Variants in ABLIM1 observed in about 807,000 individuals in gnomAD.
ABLIM1 encodes actin binding LIM protein 1.
ABLIM1 carries 40 observed loss-of-function variants against 107.0 expected under a neutral mutation model. The observed-to-expected ratio is 0.37, with a 90% CI of 0.29 to 0.49. The LOEUF (loss-of-function observed/expected upper bound fraction) is 0.49, where lower values mean the gene tolerates loss of function less well. ABLIM1 is among the 20% of genes least tolerant of loss of function. The pLI, the probability that ABLIM1 is intolerant of heterozygous loss-of-function variation, is 0.97. For synonymous variants in ABLIM1, 357 were observed against 357.3 expected, an observed-to-expected ratio of 1.00 and a Z score of 0.01; for missense variants, 857 against 1,008.5, an observed-to-expected ratio of 0.85 and a Z score of 2.04.
At chr10:114,583,170 C>A (rs9421188) in intron 2 of ABLIM1, among the ~76,000 whole-genome samples, 40,442 of 150,576 alleles carry the variant, frequency 0.27, 6,650 homozygotes, top group African/African-American at 0.46. Context: ...AAGCAAAAAA[C>A]AAATAACTCC....
chr10:114,439,982 T>A, intron 20 of ABLIM1, 100 bp downstream of exon 20: 2 of 1,587,758 alleles, frequency 1.3e-6, no homozygotes, highest in Non-Finnish European at 1.7e-6. Flanking sequence ...ACAACAAGCA[T>A]CTTCTCAACA....
chr10:114,588,044 T>C (rs1354195029), intron 2 of ABLIM1, among the ~76,000 whole-genome samples: 1 of 152,228 alleles, frequency 6.6e-6, no homozygotes, highest in African/African-American at 2.4e-5. Flanking sequence ...CACGTCTGTA[T>C]ATAACTTGAT....
At chr10:114,596,189 C>T (rs1032131561) in intron 2 of ABLIM1, among the ~76,000 whole-genome samples, 1 of 152,164 alleles carries the variant, frequency 6.6e-6, no homozygotes, top group Non-Finnish European at 1.5e-5. Flanking sequence ...ACACTATTCC[C>T]ACCTGTGGCT....
intron 12 of ABLIM1, among the ~76,000 whole-genome samples, chr10:114,456,935 A>T (rs7093924): frequency 0.026 from 918 of 34,858 alleles, 4 homozygotes; most frequent in East Asian, 0.079. Context: ...TTTTTTTTTT[A>T]AAAAAAAAAA....
intron 8 of ABLIM1, among the ~76,000 whole-genome samples, chr10:114,481,170 C>CT (rs767944432): frequency 2.6e-5 from 4 of 152,208 alleles, no homozygotes; most frequent in Admixed American, 6.5e-5. Flanking sequence ...TACCAGAGCT[C>CT]TGCCGGTTGA....
intron 1 of ABLIM1, among the ~76,000 whole-genome samples, chr10:114,627,020 T>C (rs891923377): frequency 6.6e-6 from 1 of 152,166 alleles, no homozygotes; most frequent in Non-Finnish European, 1.5e-5. Flanking sequence ...CACCTTGACC[T>C]CAGGCTTGTA....
intron 1 of ABLIM1, among the ~76,000 whole-genome samples, chr10:114,640,278 G>C (rs941042781): frequency 3.9e-5 from 6 of 152,216 alleles, no homozygotes; most frequent in Admixed American, 6.5e-5. Context: ...TATAATCCCA[G>C]CACTTTGGGA....
At chr10:114,625,570 G>A (rs915012586) in intron 1 of ABLIM1, among the ~76,000 whole-genome samples, 6 of 149,894 alleles carry the variant, frequency 4.0e-5, no homozygotes, top group Admixed American at 3.3e-4. Flanking sequence ...AGAAGAATTC[G>A]CAGAAGGGAT....
chr10:114,777,613 C>G, the ABLIM1 span, among the ~76,000 whole-genome samples: 1 of 152,242 alleles, frequency 6.6e-6, no homozygotes, highest in African/African-American at 2.4e-5. Flanking sequence ...ATATTTCACT[C>G]TGCCTCTCTG....
intron 1 of ABLIM1, among the ~76,000 whole-genome samples, chr10:114,677,032 T>C (rs2080518232): frequency 6.6e-6 from 1 of 152,090 alleles, no homozygotes; most frequent in African/African-American, 2.4e-5. Context: ...CCACCGTGCC[T>C]GGCCAAGTTT....
intron 1 of ABLIM1, among the ~76,000 whole-genome samples, chr10:114,751,706 C>T (rs2082515136): frequency 6.8e-6 from 1 of 146,156 alleles, no homozygotes. Flanking sequence ...GCCAAGATTA[C>T]ACCACTGCAC....
chr10:114,574,449 A>T (rs2483570), intron 3 of ABLIM1, among the ~76,000 whole-genome samples: 45,206 of 150,400 alleles, frequency 0.3, 8,978 homozygotes, highest in African/African-American at 0.57. Flanking sequence ...ATTTTATTTT[A>T]TTTTTTTTGA....
At chr10:114,706,990 G>A (rs1287792983) in intron 1 of ABLIM1, among the ~76,000 whole-genome samples, 1 of 152,138 alleles carries the variant, frequency 6.6e-6, no homozygotes, top group Non-Finnish European at 1.5e-5. Flanking sequence ...GACCAGCACT[G>A]TCAATGGAAA....
At chr10:114,618,002 T>C (rs2077235581) in intron 1 of ABLIM1, among the ~76,000 whole-genome samples, 1 of 152,174 alleles carries the variant, frequency 6.6e-6, no homozygotes, top group African/African-American at 2.4e-5. Context: ...TTATAATGCA[T>C]GATGGTAATT....
At chr10:114,589,908 C>T (rs893722238) in intron 2 of ABLIM1, among the ~76,000 whole-genome samples, 8 of 152,044 alleles carry the variant, frequency 5.3e-5, no homozygotes, top group African/African-American at 1.7e-4. Flanking sequence ...ACAGTAATGT[C>T]CTAGGCCTTC....
chr10:114,472,156 T>C (rs2066710626), intron 10 of ABLIM1, among the ~76,000 whole-genome samples: 1 of 152,176 alleles, frequency 6.6e-6, no homozygotes, highest in Non-Finnish European at 1.5e-5. Flanking sequence ...GATAATTGCT[T>C]TACATAGATT....
chr10:114,687,604 T>G (rs1359048852), upstream of ABLIM1, among the ~76,000 whole-genome samples: 2 of 152,178 alleles, frequency 1.3e-5, no homozygotes, highest in Non-Finnish European at 1.5e-5. Flanking sequence ...CAGATTATGT[T>G]AAAAGACCTC....
intron 1 of ABLIM1, among the ~76,000 whole-genome samples, chr10:114,713,657 G>T (rs1161368703): frequency 1.3e-5 from 2 of 152,172 alleles, no homozygotes; most frequent in Non-Finnish European, 2.9e-5. Flanking sequence ...CTTTCAGGGA[G>T]TTACGGGCTG....
intron 2 of ABLIM1, among the ~76,000 whole-genome samples, chr10:114,597,115 C>T (rs1386368610): frequency 3.3e-5 from 5 of 152,290 alleles, no homozygotes; most frequent in Middle Eastern, 3.4e-3. Context: ...GCTCAGTACC[C>T]GAACATCGCC....
Sources: gnomAD v4.1 joint callset for allele counts (sites outside exome capture counted in the v4.1 genomes callset) on GRCh38, gnomAD v4.1.1 for gene constraint, MANE v1.5 for transcripts, NCBI Gene and HGNC (gene_info 2026-07-23, HGNC 2026-07-21) for gene names.